RANBP2: variants seen among roughly 807,000 people sequenced by gnomAD.
The protein encoded by RANBP2 is RAN binding protein 2, also known as E3 SUMO-protein ligase RanBP2.
In RANBP2, 57 loss-of-function variants were observed where a neutral mutation model predicts 303.6. The ratio of observed to expected loss-of-function variants is 0.19; its 90% CI spans 0.15 to 0.23. The LOEUF is 0.23. Among genes scored for constraint, RANBP2 ranks in the 10% least tolerant of loss-of-function variants. RANBP2 has a pLI of 1.00. For synonymous variants in RANBP2, 1,167 were observed against 1,301.5 expected (o/e 0.90, Z 2.23); for missense variants, 3,138 against 3,780.8 (o/e 0.83, Z 4.46).
chr2:109,490,997 C>G, the RANBP2 span: 1 of 1,374,954 alleles, frequency 7.3e-7, no homozygotes, highest in Admixed American at 3.0e-5. Context: ...AGGTCTGGAG[C>G]CACCTTCGGG....
At chr2:108,913,621 TATAA>T in the RANBP2 span, among the ~76,000 whole-genome samples, 1 of 152,090 alleles carries the variant, frequency 6.6e-6, no homozygotes, top group Non-Finnish European at 1.5e-5. Context: ...GATTTATACA[TATAA>T]ATATTGTTGT....
At chr2:109,756,565 A>G in the RANBP2 span, among the ~76,000 whole-genome samples, 52 of 122,086 alleles carry the variant, frequency 4.3e-4, 4 homozygotes, top group Admixed American at 1.2e-3. Context: ...GACCCCTGCA[A>G]CCACTGACAT....
At chr2:108,825,674 TATAAC>T in the RANBP2 span, among the ~76,000 whole-genome samples, 2 of 152,228 alleles carry the variant, frequency 1.3e-5, no homozygotes, top group Non-Finnish European at 2.9e-5. Flanking sequence ...ATAATATAGA[TATAAC>T]ATTTTATTTA....
At chr2:109,404,857 G>A in the RANBP2 span, among the ~76,000 whole-genome samples, 2 of 152,030 alleles carry the variant, frequency 1.3e-5, no homozygotes, top group Admixed American at 6.6e-5. Flanking sequence ...TTCCTCATCC[G>A]CCATCTTGAC....
At chr2:109,408,236 G>A in the RANBP2 span, among the ~76,000 whole-genome samples, 1 of 152,154 alleles carries the variant, frequency 6.6e-6, no homozygotes, top group African/African-American at 2.4e-5. Context: ...TGCCTCAGAG[G>A]GTGGAAAGGA....
At chr2:108,986,519 T>C in the RANBP2 span, among the ~76,000 whole-genome samples, 1 of 152,172 alleles carries the variant, frequency 6.6e-6, no homozygotes, top group Middle Eastern at 3.4e-3. Flanking sequence ...CAATTATGAG[T>C]GACAGGCTCC....
chr2:109,545,137 T>A, the RANBP2 span: 4,935 of 985,350 alleles, frequency 5.0e-3, 178 homozygotes, highest in African/African-American at 0.078. Flanking sequence ...TGTTGCTCTG[T>A]GGGGAACATG....
chr2:108,881,398 C>T, the RANBP2 span, among the ~76,000 whole-genome samples: 2 of 152,154 alleles, frequency 1.3e-5, no homozygotes, highest in Admixed American at 6.5e-5. Context: ...ATATTGTGGC[C>T]GATTTGTATC....
At chr2:109,632,055 T>C in the RANBP2 span, among the ~76,000 whole-genome samples, 1 of 152,092 alleles carries the variant, frequency 6.6e-6, no homozygotes, top group Non-Finnish European at 1.5e-5. Flanking sequence ...AGTAGTTTAA[T>C]CACTTGTGCC....
the RANBP2 span, among the ~76,000 whole-genome samples, chr2:109,419,261 G>A: frequency 1.3e-5 from 2 of 152,106 alleles, no homozygotes; most frequent in Non-Finnish European, 2.9e-5. Flanking sequence ...TCTGGAACAC[G>A]GCCTGACTAC....
chr2:108,941,561 C>T, the RANBP2 span, among the ~76,000 whole-genome samples: 1 of 152,168 alleles, frequency 6.6e-6, no homozygotes, highest in Non-Finnish European at 1.5e-5. Context: ...TCTGAGGGTC[C>T]TCTGCACCAG....
the RANBP2 span, among the ~76,000 whole-genome samples, chr2:108,806,895 T>C: frequency 1.3e-5 from 2 of 152,198 alleles, no homozygotes; most frequent in Non-Finnish European, 2.9e-5. Flanking sequence ...ATAGTCCCAG[T>C]GAACACCCCA....
At chr2:109,315,711 G>T in the RANBP2 span, among the ~76,000 whole-genome samples, 1 of 152,218 alleles carries the variant, frequency 6.6e-6, no homozygotes, top group Non-Finnish European at 1.5e-5. Context: ...CCCACCCAGG[G>T]TTCCTCTGGG....
chr2:108,752,564 A>C (rs1481944164), intron 12 of RANBP2, among the ~76,000 whole-genome samples: 1 of 147,960 alleles, frequency 6.8e-6, no homozygotes, highest in Non-Finnish European at 1.5e-5. Flanking sequence ...CAAGGTCAGG[A>C]GATCGAGATC....
At chr2:109,185,517 A>G in the RANBP2 span, among the ~76,000 whole-genome samples, 1 of 152,252 alleles carries the variant, frequency 6.6e-6, no homozygotes, top group Non-Finnish European at 1.5e-5. Context: ...AGGTGCAGAC[A>G]TCACAGGGCA....
chr2:109,487,062 G>A, the RANBP2 span, among the ~76,000 whole-genome samples: 5 of 152,342 alleles, frequency 3.3e-5, no homozygotes, highest in Admixed American at 6.5e-5. Context: ...TAGGGGGAAC[G>A]TTTGCAGAAG....
At chr2:109,527,177 A>G in the RANBP2 span, among the ~76,000 whole-genome samples, 1 of 152,192 alleles carries the variant, frequency 6.6e-6, no homozygotes, top group Non-Finnish European at 1.5e-5. Flanking sequence ...CACGAAGCAG[A>G]TGTGTGTGCC....
chr2:108,758,952 A>T (rs1190357245), intron 18 of RANBP2, among the ~76,000 whole-genome samples: 1 of 148,994 alleles, frequency 6.7e-6, no homozygotes, highest in Non-Finnish European at 1.5e-5. Context: ...TTAATTTGAA[A>T]TATTATGGTT....
the RANBP2 span, among the ~76,000 whole-genome samples, chr2:109,486,953 G>A: frequency 2.0e-5 from 3 of 152,208 alleles, no homozygotes; most frequent in South Asian, 6.2e-4. Flanking sequence ...CTGTGAGGCT[G>A]AACTGATTGG....
Sources: gnomAD v4.1 joint callset for allele counts (sites outside exome capture counted in the v4.1 genomes callset) on GRCh38, gnomAD v4.1.1 for gene constraint, MANE v1.5 for transcripts, NCBI Gene and HGNC (gene_info 2026-07-23, HGNC 2026-07-21) for gene names.